SLC25A3: variants seen among roughly 807,000 people sequenced by gnomAD.
SLC25A3 encodes phosphate transport protein.
In SLC25A3, 14 loss-of-function variants were observed where a neutral mutation model predicts 37.1. The observed-to-expected ratio is 0.38, with a 90% CI of 0.25 to 0.59. The LOEUF (loss-of-function observed/expected upper bound fraction) is 0.59, where lower values mean the gene tolerates loss of function less well. SLC25A3 is among the 20% of genes least tolerant of loss of function. The pLI, the probability that SLC25A3 is intolerant of heterozygous loss-of-function variation, is 0.67. For synonymous variants in SLC25A3, 161 were observed against 168.7 expected (o/e 0.95, Z 0.36); for missense variants, 385 against 458.1 (o/e 0.84, Z 1.46).
chr12:98,593,968 CCCCTAGAAAGATGTTCT>C lies in SLC25A3; in HGVS notation c.-4-5_8del. ...TGTCCTCTAACCGTCGCTCCCTCCT[CCCCTAGAAAGATGTTCT>C]CGTCCGTGGCGCACCTGGCGCGGGC... On this transcript the variant is annotated splice_acceptor_variant and splice_polypyrimidine_tract_variant and coding_sequence_variant and 5_prime_UTR_variant and intron_variant, in exon 2 of 8. Transcript: ENST00000552981. LOFTEE classifies it high-confidence loss of function. 1 of 1,613,892 alleles carries C rather than the reference CCCCTAGAAAGATGTTCT, an allele frequency of 6.2e-7. No homozygotes were observed. Among genetic ancestry groups the C allele is most frequent in the Non-Finnish European group, 8.5e-7 (1 of 1,179,906 alleles).
At chr12:98,599,758 A>G (rs1383521226) in intron 5 of SLC25A3, 197 bp from the exon 6 acceptor site, 6 of 757,544 alleles carry the variant, frequency 7.9e-6, no homozygotes, top group Non-Finnish European at 1.4e-5. Context: ...TTGTATAGTC[A>G]AAGGTGCTTG....
Position 98,595,714 on chromosome 12 carries a change from TCTC to T in SLC25A3, c.158-12_158-10del, listed in dbSNP as rs756328477. On this transcript the variant is annotated splice_polypyrimidine_tract_variant and intron_variant, in intron 2 of 7. Transcript: ENST00000552981. ...TTATATTAAAATGCATGGTGTGTCT[TCTC>T]TTACTACAGAGTACAGTTGTGAATT... is the stretch of plus-strand genomic sequence containing the variant. 6.2e-7 allele frequency: 1 copy of T among 1,614,148 alleles called. No homozygotes were observed. The highest frequency in any genetic ancestry group is 8.5e-7 in the Non-Finnish European group (1 of 1,180,022).
At chr12:98,596,268 T>C (rs914602656) in intron 3 of SLC25A3, among the ~76,000 whole-genome samples, 7 of 152,242 alleles carry the variant, frequency 4.6e-5, no homozygotes, top group African/African-American at 7.2e-5. Context: ...CTTAATATCT[T>C]AGTATGAAAA....
In SLC25A3 at chr12:98,601,451, G is replaced by T. The variant is rs962814485; in HGVS notation, c.1009G>T (p.Val337Phe). 1 of 1,613,944 alleles carries T rather than the reference G, an allele frequency of 6.2e-7. No individual in the cohort carries two copies. The highest frequency in any genetic ancestry group is 8.5e-7 in the Non-Finnish European group (1 of 1,179,956). ...LQWFIYDSVKVYFRLPRPPPP... is the reference protein window; with the variant it reads ...LQWFIYDSVKFYFRLPRPPPP... Reference sequence around the variant, plus strand: ...GTGGTTTATCTATGACTCCGTGAAGGTCTACTTCAGACTTCCTCGCCCTCC... The same window carrying T: ...GTGGTTTATCTATGACTCCGTGAAGTTCTACTTCAGACTTCCTCGCCCTCC... Residue 337 changes from valine to phenylalanine, a missense_variant, in exon 8 of 8, where the codon GTC becomes TTC. Physicochemically the swap from Val to Phe is conservative, Grantham distance 50. Transcript: ENST00000552981.
At chr12:98,597,136 C>CT in intron 3 of SLC25A3, among the ~76,000 whole-genome samples, 1 of 152,284 alleles carries the variant, frequency 6.6e-6, no homozygotes, top group South Asian at 2.1e-4. Flanking sequence ...CACTCCAAGA[C>CT]TTAAGTTTGA....
intron 5 of SLC25A3, chr12:98,599,608 T>C (rs375613748): frequency 5.7e-6 from 3 of 529,480 alleles, no homozygotes; most frequent in Non-Finnish European, 1.1e-5. Context: ...TTGTGATCTA[T>C]TCACAGTTAA....
At chr12:98,600,958 A>G in intron 6 of SLC25A3, 1 of 498,636 alleles carries the variant, frequency 2.0e-6, no homozygotes, top group Non-Finnish European at 3.5e-6. Context: ...TAAGAATTTT[A>G]TACAGAAAGT....
Position 98,601,800 on chromosome 12 carries a change from A to G in SLC25A3, c.*272A>G. 1 of 394,622 alleles carries G rather than the reference A, an allele frequency of 2.5e-6. No homozygotes were observed. The highest frequency in any genetic ancestry group is 4.6e-6 in the Non-Finnish European group (1 of 216,018). The allele number at this position is 394,622 out of a possible 1,614,324, so 24.4% of individuals were successfully genotyped here. ...GAAGTATATAAGTTAAGGAAAAAAT[A>G]CAAAACTGACCATGACCATTGTTGG... On this transcript the variant is annotated 3_prime_UTR_variant, in exon 8 of 8. Coordinates refer to ENST00000552981, the MANE Select transcript of SLC25A3 (RefSeq NM_002635.4).
At chr12:98,595,357 C>T (rs2097592099) in intron 2 of SLC25A3, 2 of 1,528,406 alleles carry the variant, frequency 1.3e-6, no homozygotes, top group Non-Finnish European at 1.8e-6. Context: ...CACAGGGAAA[C>T]ATTTTCTTTC....
intron 3 of SLC25A3, chr12:98,597,522 A>G: frequency 3.4e-6 from 1 of 291,808 alleles, no homozygotes; most frequent in Non-Finnish European, 6.6e-6. Flanking sequence ...GGCTCAAGCG[A>G]TTGTTCTGTC....
intron 1 of SLC25A3, 44 bp from the exon 2 acceptor site, chr12:98,593,931 C>T (rs770925843): frequency 2.1e-5 from 34 of 1,612,118 alleles, no homozygotes; most frequent in Non-Finnish European, 2.6e-5. Context: ...TAACGTTAAC[C>T]GGCGCCTTGC....
At chr12:98,599,062 C>CT (rs572119358) in intron 5 of SLC25A3, among the ~76,000 whole-genome samples, 5,485 of 133,794 alleles carry the variant, frequency 0.041, 186 homozygotes, top group East Asian at 0.22. Context: ...CACCCGGCTT[C>CT]TTTTTTTTTT....
rs1358626896 is a variant in SLC25A3 at position 98,602,766 on chromosome 12, A to G, written c.*1238A>G. On this transcript the variant is annotated 3_prime_UTR_variant, in exon 8 of 8. Coordinates refer to ENST00000552981, the MANE Select transcript of SLC25A3 (RefSeq NM_002635.4). ...ATATATAACATGCTGTTTTTCAAAC[A>G]CTAGATTTTACCTAGAGTCCTTATG... 6.6e-6 allele frequency: 1 copy of G among 152,214 alleles called. No individual in the cohort carries two copies. Among genetic ancestry groups the G allele is most frequent in the East Asian group, 1.9e-4 (1 of 5,206 alleles). 9.4% of individuals were successfully genotyped at this position (152,214 alleles called of 1,614,324 possible). A position where few individuals can be genotyped will look rare whatever the true frequency, so the allele number is the denominator to read the frequency against.
In SLC25A3 at chr12:98,604,624, T is replaced by G. The variant is rs955678824; in HGVS notation, c.*3096T>G. 3.3e-5 allele frequency: 5 copies of G among 151,754 alleles called. No homozygotes were observed. The highest frequency in any genetic ancestry group is 7.3e-5 in the Non-Finnish European group (5 of 68,028). The allele number at this position is 151,754 out of a possible 1,614,324, so 9.4% of individuals were successfully genotyped here. Reference sequence around the variant, plus strand: ...CCAGTTAGCTGACACAATTGGGATGTGCCACTACTTGCTCCTGTTTTTTCA... The same window carrying G: ...CCAGTTAGCTGACACAATTGGGATGGGCCACTACTTGCTCCTGTTTTTTCA... On this transcript the variant is annotated 3_prime_UTR_variant, in exon 8 of 8. Coordinates refer to ENST00000552981, the MANE Select transcript of SLC25A3 (RefSeq NM_002635.4).
chr12:98,601,197 C>A lies in SLC25A3; in HGVS notation c.841C>A (p.His281Asn). The A allele has an allele frequency of 6.2e-7, 1 of 1,613,140 alleles. No individual in the cohort carries two copies. Among genetic ancestry groups the A allele is most frequent in the Non-Finnish European group, 8.5e-7 (1 of 1,179,658 alleles). ...IAGVFCAIVS[H>N]PADSVVSVLN... ...TGGAGTCTTTTGTGCAATTGTTTCTCACCCTGCTGATTCTGTGGTATCTGT... is the reference window on the plus strand; with the variant it reads ...TGGAGTCTTTTGTGCAATTGTTTCTAACCCTGCTGATTCTGTGGTATCTGT... The change falls in exon 7 of 8, where the codon CAC becomes AAC. Residue 281 changes from histidine to asparagine, a missense_variant. Around this residue, in one of 2 missense-constraint regions of SLC25A3, gnomAD observed 276 missense variants for 367.6 expected, o/e 0.75. Transcript: ENST00000552981.
chr12:98,601,505 A>G lies in SLC25A3; in HGVS notation c.1063A>G (p.Lys355Glu). Residue 355 changes from lysine to glutamate, a missense_variant, in exon 8 of 8, where the codon AAG becomes GAG. Transcript: ENST00000552981. ...ACCCGAGATGCCAGAGTCTCTGAAG[A>G]AGAAGCTTGGGTTAACTCAGTAGTT... The part of the protein sequence containing the change: ...PPPEMPESLK[K>E]KLGLTQ 6.2e-7 allele frequency: 1 copy of G among 1,613,560 alleles called. No homozygotes were observed. Among genetic ancestry groups the G allele is most frequent in the South Asian group, 1.1e-5 (1 of 91,068 alleles).
chr12:98,597,724 G>A, intron 3 of SLC25A3, 132 bp from the exon 4 acceptor site: 1 of 1,305,782 alleles, frequency 7.7e-7, no homozygotes. Context: ...GTGCCTGGCA[G>A]GAATTACTGT....
Position 98,603,792 on chromosome 12 carries a change from A to T in SLC25A3, c.*2264A>T, listed in dbSNP as rs908098530. 1.1e-4 allele frequency: 17 copies of T among 152,124 alleles called. No individual in the cohort carries two copies. Among genetic ancestry groups the T allele is most frequent in the Non-Finnish European group, 2.1e-4 (14 of 68,036 alleles). 9.4% of individuals were successfully genotyped at this position (152,124 alleles called of 1,614,324 possible). ...GAGAGAAAGCCACTTCATCCTCAAAACCCAAGAGGCCCACTTAAAGTGATG... is the reference window on the plus strand; with the variant it reads ...GAGAGAAAGCCACTTCATCCTCAAATCCCAAGAGGCCCACTTAAAGTGATG... On this transcript the variant is annotated 3_prime_UTR_variant, in exon 8 of 8. Transcript: ENST00000552981.
chr12:98,595,186 A>G (rs2097591894), intron 2 of SLC25A3: 1 of 509,538 alleles, frequency 2.0e-6, no homozygotes, highest in Non-Finnish European at 3.5e-6. Flanking sequence ...AAAGCCGTTA[A>G]TGTAGAAAAC....
Sources: allele counts gnomAD v4.1 joint callset (sites outside exome capture counted in the v4.1 genomes callset), GRCh38; gene constraint gnomAD v4.1.1; regional missense constraint gnomAD v4.1.1; transcripts MANE v1.5; gene names NCBI Gene and HGNC (gene_info 2026-07-23, HGNC 2026-07-21).